Variants in TUSC3 observed in about 807,000 individuals in gnomAD.
TUSC3 encodes the protein dolichyl-diphosphooligosaccharide--protein glycosyltransferase subunit TUSC3.
A neutral mutation model predicts 44.8 loss-of-function variants in TUSC3; 45 were observed. That is an observed-to-expected ratio of 1.00 (90% CI 0.79 to 1.29). The LOEUF (loss-of-function observed/expected upper bound fraction) is 1.29, where lower values mean the gene tolerates loss of function less well. Among genes scored for constraint, TUSC3 ranks in the 50% most tolerant of loss-of-function variants. The pLI, the probability that TUSC3 is intolerant of heterozygous loss-of-function variation, is 0.00. For missense variants in TUSC3, 519 were observed against 437.9 expected (o/e 1.19, Z -1.65); for synonymous variants, 212 against 152.9 (o/e 1.39, Z -2.85).
chr8:15,460,688 C>G (rs1375996331), intron 1 of TUSC3, among the ~76,000 whole-genome samples: 1 of 152,134 alleles, frequency 6.6e-6, no homozygotes. Context: ...CGTAATCCAT[C>G]TTGAGTTGAT....
At position 15,730,831 on chromosome 8, in the gene TUSC3, CATTAA is replaced by C. The variant is rs568338256; in HGVS notation, c.862+106_862+110del. On this transcript the variant is annotated intron_variant, in intron 7 of 10. Transcript: ENST00000503731. ...AGTAAATATCAAGACTTTTAAGAGACATTAAATTTTAGGCTGTACTATATGACTAA... is the reference window on the plus strand; with the variant it reads ...AGTAAATATCAAGACTTTTAAGAGACATTTTAGGCTGTACTATATGACTAA... 193 of 1,163,888 alleles carry C rather than the reference CATTAA, an allele frequency of 1.7e-4. No individual in the cohort carries two copies. The African/African-American group carries it at 2.8e-3, about 17-fold the overall frequency. 72.1% of individuals were successfully genotyped at this position (1,163,888 alleles called of 1,614,324 possible).
chr8:15,662,070 C>T lies in TUSC3; in HGVS notation c.568-86C>T, dbSNP rs142172194. ...GGGTGGCATGTTTCTGAGTTCTTTG[C>T]GTTGAAAATTATGAGGACTAGAATA... is the stretch of plus-strand genomic sequence containing the variant. On this transcript the variant is annotated intron_variant, in intron 4 of 10. Transcript: ENST00000503731. 207 of 1,460,210 alleles carry T rather than the reference C, an allele frequency of 1.4e-4. 2 individuals are homozygous for T. In the African/African-American group the frequency reaches 1.9e-3, roughly 13 times the overall value. 90.5% of individuals were successfully genotyped at this position (1,460,210 alleles called of 1,614,324 possible).
At chr8:15,725,857 T>A (rs1179606586) in intron 6 of TUSC3, among the ~76,000 whole-genome samples, 1 of 152,192 alleles carries the variant, frequency 6.6e-6, no homozygotes, top group Non-Finnish European at 1.5e-5. Flanking sequence ...GTTTCCTTCA[T>A]GCTGTCAGTT....
At chr8:15,793,389 A>G in the TUSC3 span, among the ~76,000 whole-genome samples, 2,676 of 152,190 alleles carry the variant, frequency 0.018, 80 homozygotes, top group African/African-American at 0.06. Flanking sequence ...CCTTGCACAC[A>G]GCATAGCACA....
At chr8:15,507,493 T>C (rs1199874437) in intron 2 of TUSC3, among the ~76,000 whole-genome samples, 1 of 152,160 alleles carries the variant, frequency 6.6e-6, no homozygotes, top group Non-Finnish European at 1.5e-5. Context: ...TTTTTGTATT[T>C]TTCAGATTCT....
At chr8:15,823,307 T>C in the TUSC3 span, among the ~76,000 whole-genome samples, 21,405 of 152,160 alleles carry the variant, frequency 0.14, 1,664 homozygotes, top group East Asian at 0.25. Flanking sequence ...CATTATTTCT[T>C]TTTATTAAGC....
At chr8:15,622,957 A>G (rs1327289932) in intron 1 of TUSC3, 123 bp from the exon 2 acceptor site, 8 of 1,010,924 alleles carry the variant, frequency 7.9e-6, no homozygotes, top group African/African-American at 1.6e-5. Context: ...ATGGTCTTTT[A>G]TCTTTTCTAT....
chr8:15,436,751 T>A (rs1206399407), intron 1 of TUSC3, among the ~76,000 whole-genome samples: 1 of 152,168 alleles, frequency 6.6e-6, no homozygotes, highest in Non-Finnish European at 1.5e-5. Context: ...TGTTTCATAG[T>A]GTGCAAGTGT....
At chr8:15,496,338 C>G (rs947820057) in intron 2 of TUSC3, among the ~76,000 whole-genome samples, 1 of 152,152 alleles carries the variant, frequency 6.6e-6, no homozygotes, top group African/African-American at 2.4e-5. Flanking sequence ...ATTAATTATT[C>G]CACGCCTCTA....
intron 1 of TUSC3, among the ~76,000 whole-genome samples, chr8:15,571,625 C>G (rs949463241): frequency 6.6e-6 from 1 of 152,100 alleles, no homozygotes. Flanking sequence ...CAGCTGGCAA[C>G]TTCTTAAGAA....
chr8:15,458,315 T>C (rs948971040), intron 1 of TUSC3, among the ~76,000 whole-genome samples: 1 of 152,038 alleles, frequency 6.6e-6, no homozygotes, highest in Non-Finnish European at 1.5e-5. Context: ...CACAGCTCAC[T>C]GCACCCTCGA....
the TUSC3 span, among the ~76,000 whole-genome samples, chr8:15,784,076 A>G: frequency 5.3e-5 from 8 of 152,190 alleles, no homozygotes; most frequent in African/African-American, 1.9e-4. Flanking sequence ...ATACATATAA[A>G]AGGCCAGATA....
chr8:15,595,200 A>T (rs976335854), intron 1 of TUSC3, among the ~76,000 whole-genome samples: 3 of 152,170 alleles, frequency 2.0e-5, no homozygotes, highest in African/African-American at 7.2e-5. Flanking sequence ...TTCTCATTAT[A>T]CTTTCAGATA....
chr8:15,656,408 T>G (rs1050145487), intron 3 of TUSC3, among the ~76,000 whole-genome samples: 1 of 152,108 alleles, frequency 6.6e-6, no homozygotes, highest in African/African-American at 2.4e-5. Flanking sequence ...GAATAGACAT[T>G]CCCTTCCAAA....
At chr8:15,734,003 A>G (rs1043857953) in intron 7 of TUSC3, among the ~76,000 whole-genome samples, 3 of 152,188 alleles carry the variant, frequency 2.0e-5, no homozygotes, top group African/African-American at 4.8e-5. Context: ...GTGCTCACAC[A>G]CTACACTTGA....
chr8:15,512,959 T>TATATATATATATATATATATATATA, intron 2 of TUSC3, among the ~76,000 whole-genome samples: 1 of 139,814 alleles, frequency 7.2e-6, no homozygotes, highest in African/African-American at 2.7e-5. Flanking sequence ...TATATATATA[T>TATATATATATATATATATATATATA]GATTCTTTTT....
At chr8:15,468,501 A>T (rs1800443803) in intron 1 of TUSC3, among the ~76,000 whole-genome samples, 1 of 152,138 alleles carries the variant, frequency 6.6e-6, no homozygotes, top group Non-Finnish European at 1.5e-5. Context: ...CAGTGATTAG[A>T]TGTCTGTTTC....
chr8:15,810,629 T>G, the TUSC3 span, among the ~76,000 whole-genome samples: 1 of 151,640 alleles, frequency 6.6e-6, no homozygotes, highest in Non-Finnish European at 1.5e-5. Flanking sequence ...CAGAGCAAGA[T>G]CCTATCTTGT....
the TUSC3 span, among the ~76,000 whole-genome samples, chr8:15,792,827 C>G: frequency 1.3e-5 from 2 of 151,968 alleles, no homozygotes; most frequent in East Asian, 3.9e-4. Flanking sequence ...CCACGTTGCC[C>G]AAGCTGGTCT....
Sources: allele counts gnomAD v4.1 joint callset (sites outside exome capture counted in the v4.1 genomes callset), GRCh38; gene constraint gnomAD v4.1.1; transcripts MANE v1.5; gene names NCBI Gene and HGNC (gene_info 2026-07-23, HGNC 2026-07-21).